NF1: variants seen among roughly 807,000 people sequenced by gnomAD.
NF1 encodes neurofibromin 1.
NF1 carries 122 observed loss-of-function variants against 325.7 expected under a neutral mutation model. The observed-to-expected ratio is 0.37, with a 90% CI of 0.32 to 0.44. The LOEUF is 0.44. Ranked by LOEUF, NF1 falls within the 20% of genes least tolerant of loss-of-function variation. The pLI, the probability that NF1 is intolerant of heterozygous loss-of-function variation, is 1.00. For missense variants in NF1, 2,140 were observed against 3,415.4 expected, an observed-to-expected ratio of 0.63 and a Z score of 9.31; for synonymous variants, 1,091 against 1,186.0, an observed-to-expected ratio of 0.92 and a Z score of 1.65.
chr17:31,211,723 G>A (rs1192307046), intron 12 of NF1, among the ~76,000 whole-genome samples: 1 of 152,154 alleles, frequency 6.6e-6, no homozygotes, highest in African/African-American at 2.4e-5. Flanking sequence ...CAGAAAAGGT[G>A]CAGTAACAAT....
rs71142032 is a variant in NF1 at position 31,181,801 on chromosome 17, AT to A, written c.730+32del. 0.067 allele frequency: 79,184 copies of A among 1,183,456 alleles called. 42 individuals carry two copies. The highest frequency in any genetic ancestry group is 0.13 in the Admixed American group (6,269 of 49,614). The allele number at this position is 1,183,456 out of a possible 1,614,324, so 73.3% of individuals were successfully genotyped here. On this transcript the variant is annotated intron_variant, in intron 7 of 57. Transcript: ENST00000358273. ...GATATGGCTGGTAAGGATACGATTG[AT>A]TTTTTTTTTTTTTTTGTCTTTTAAA...
At chr17:31,237,868 A>G (rs1458410430) in intron 29 of NF1, among the ~76,000 whole-genome samples, 1 of 152,168 alleles carries the variant, frequency 6.6e-6, no homozygotes, top group Non-Finnish European at 1.5e-5. Flanking sequence ...GATGGCAAAC[A>G]ATATACTCAG....
At chr17:31,109,388 C>A (rs1913200203) in intron 1 of NF1, among the ~76,000 whole-genome samples, 1 of 151,060 alleles carries the variant, frequency 6.6e-6, no homozygotes, top group East Asian at 1.9e-4. Context: ...TCTTTTTTTT[C>A]TTTTTCTTTT....
chr17:31,328,041 C>T (rs953920119), intron 38 of NF1, among the ~76,000 whole-genome samples: 5 of 152,160 alleles, frequency 3.3e-5, no homozygotes, highest in Non-Finnish European at 5.9e-5. Flanking sequence ...CACACTAAAC[C>T]AATATATGTC....
At chr17:31,300,163 TAA>T (rs1324294636) in intron 36 of NF1, among the ~76,000 whole-genome samples, 1 of 152,082 alleles carries the variant, frequency 6.6e-6, no homozygotes. Flanking sequence ...CAACTTGATA[TAA>T]ACTTTGTTTC....
intron 52 of NF1, 163 bp from the exon 53 acceptor site, chr17:31,356,796 AG>A (rs2070280970): frequency 8.4e-7 from 1 of 1,196,700 alleles, no homozygotes; most frequent in African/African-American, 1.5e-5. Context: ...GTAAATAGGT[AG>A]CCAAAACTTT....
At chr17:31,190,865 A>G (rs567235011) in intron 8 of NF1, among the ~76,000 whole-genome samples, 2 of 152,282 alleles carry the variant, frequency 1.3e-5, no homozygotes, top group Admixed American at 1.3e-4. Context: ...AATCTTTAAA[A>G]TTTTGCCACA....
At chr17:31,295,284 C>T (rs1307971955) in intron 36 of NF1, 1 of 1,613,952 alleles carries the variant, frequency 6.2e-7, no homozygotes, top group Non-Finnish European at 8.5e-7. Context: ...AGAGTTGCAG[C>T]TGCTGCTTCA....
In NF1 at chr17:31,360,484, C is replaced by T. The variant is rs786203684; in HGVS notation, c.8161-3C>T. The stretch of plus-strand genomic sequence containing the variant: ...TAAAATAATTTCCTATTTTCCATTA[C>T]AGCAAACACAAATTCCAGACTATGC... On this transcript the variant is annotated splice_region_variant and splice_polypyrimidine_tract_variant and intron_variant, in intron 56 of 57. Coordinates refer to ENST00000358273, the MANE Select transcript of NF1 (RefSeq NM_001042492.3). 1.2e-6 allele frequency: 2 copies of T among 1,613,108 alleles called. No individual in the cohort carries two copies. Among genetic ancestry groups the T allele is most frequent in the Non-Finnish European group, 1.7e-6 (2 of 1,179,144 alleles).
At position 31,242,258 on chromosome 17, in the gene NF1, T is replaced by C. The variant is rs567839476; in HGVS notation, c.3974+6237T>C. Among the ~76,000 whole-genome samples, 13 of 151,024 alleles carry C rather than the reference T, an allele frequency of 8.6e-5. No homozygotes were observed. The East Asian group carries it at 1.6e-3, about 18-fold the overall frequency. Reference sequence around the variant, plus strand: ...TCTGTTTGGTGTTCTGTAACCTTCCTGGACTTGAATATTGATAAATATCTT... The same window carrying C: ...TCTGTTTGGTGTTCTGTAACCTTCCCGGACTTGAATATTGATAAATATCTT... On this transcript the variant is annotated intron_variant, in intron 29 of 57. Coordinates refer to ENST00000358273, the MANE Select transcript of NF1 (RefSeq NM_001042492.3).
At chr17:31,098,108 A>G (rs2143178772) in intron 1 of NF1, among the ~76,000 whole-genome samples, 1 of 148,230 alleles carries the variant, frequency 6.7e-6, no homozygotes, top group African/African-American at 2.4e-5. Flanking sequence ...TATATATTAT[A>G]TATAGTATAT....
At chr17:31,278,516 TTTTTTTTTTTTTTTTA>T in intron 36 of NF1, among the ~76,000 whole-genome samples, 10 of 133,054 alleles carry the variant, frequency 7.5e-5, no homozygotes, top group Non-Finnish European at 9.3e-5. Flanking sequence ...TTTTTTTTTT[TTTTTTTTTTTTTTTTA>T]GAAAATCCTA....
rs371294253 is a variant in NF1 at position 31,243,926 on chromosome 17, C to G, written c.3975-5058C>G. On this transcript the variant is annotated intron_variant, in intron 29 of 57. Coordinates refer to ENST00000358273, the MANE Select transcript of NF1 (RefSeq NM_001042492.3). ...CACAGTTGGTAATGTGCTGGGTCAC[C>G]CCTGAAGCCAGCATGTCTCCAAGTC... Among the ~76,000 whole-genome samples the G allele has an allele frequency of 4.0e-5, 6 of 151,838 alleles. No homozygotes were observed. The East Asian group carries it at 7.8e-4, about 20-fold the overall frequency.
intron 36 of NF1, among the ~76,000 whole-genome samples, chr17:31,313,404 G>T (rs1462347143): frequency 6.6e-6 from 1 of 151,924 alleles, no homozygotes; most frequent in Admixed American, 6.6e-5. Flanking sequence ...TAAAACTAAG[G>T]TTAACAAATA....
chr17:31,338,899 G>T (rs2069750654), intron 46 of NF1, 94 bp downstream of exon 46: 13 of 860,628 alleles, frequency 1.5e-5, no homozygotes, highest in Admixed American at 9.5e-5. Context: ...GATGAATTGA[G>T]AATAAGTTAT....
chr17:31,175,632 G>A (rs1445665782), intron 5 of NF1, among the ~76,000 whole-genome samples: 1 of 151,998 alleles, frequency 6.6e-6, no homozygotes, highest in Non-Finnish European at 1.5e-5. Context: ...ACCCATCAAC[G>A]CATCATCTAC....
At chr17:31,145,297 A>G (rs960857811) in intron 1 of NF1, among the ~76,000 whole-genome samples, 1 of 152,130 alleles carries the variant, frequency 6.6e-6, no homozygotes, top group Non-Finnish European at 1.5e-5. Context: ...GGTTCAAGCA[A>G]TTCTCCCACC....
intron 36 of NF1, among the ~76,000 whole-genome samples, chr17:31,315,193 G>A (rs572381870): frequency 2.9e-4 from 44 of 152,184 alleles, no homozygotes; most frequent in South Asian, 1.4e-3. Context: ...TTACTTCTCA[G>A]TGGAAAATAA....
At chr17:31,096,558 T>C (rs1911738333) in intron 1 of NF1, among the ~76,000 whole-genome samples, 1 of 152,178 alleles carries the variant, frequency 6.6e-6, no homozygotes, top group South Asian at 2.1e-4. Flanking sequence ...GCAGTGGGCT[T>C]CCTGTGATGG....
Sources: allele counts gnomAD v4.1 joint callset (sites outside exome capture counted in the v4.1 genomes callset), GRCh38; gene constraint gnomAD v4.1.1; transcripts MANE v1.5; gene names NCBI Gene and HGNC (gene_info 2026-07-23, HGNC 2026-07-21).